The following KCNQ5 variants were observed in gnomAD, a reference collection of about 807,000 sequenced individuals.
KCNQ5 encodes the protein potassium voltage-gated channel subfamily Q member 5, also known as potassium voltage-gated channel subfamily KQT member 5.
Under a neutral mutation model 98.2 loss-of-function variants are expected in KCNQ5, and 30 were observed. The ratio of observed to expected loss-of-function variants is 0.31; its 90% confidence interval spans 0.23 to 0.41. The LOEUF (loss-of-function observed/expected upper bound fraction) is 0.41, where lower values mean the gene tolerates loss of function less well. Among genes scored for constraint, KCNQ5 ranks in the 10% least tolerant of loss-of-function variants. KCNQ5 has a pLI of 1.00. For missense variants in KCNQ5, 835 were observed against 1,182.5 expected (o/e 0.71, Z 4.31); for synonymous variants, 458 against 449.4 (o/e 1.02, Z -0.24).
At chr6:73,078,460 T>C (rs991713600) in intron 5 of KCNQ5, among the ~76,000 whole-genome samples, 1 of 152,178 alleles carries the variant, frequency 6.6e-6, no homozygotes, top group Non-Finnish European at 1.5e-5. Context: ...GATTCTTACA[T>C]AGAAAGAAAA....
At chr6:72,769,587 T>C (rs1305858395) in intron 1 of KCNQ5, among the ~76,000 whole-genome samples, 1 of 151,962 alleles carries the variant, frequency 6.6e-6, no homozygotes, top group African/African-American at 2.4e-5. Context: ...TTGAGAAACT[T>C]TGGGCTGATT....
intron 1 of KCNQ5, among the ~76,000 whole-genome samples, chr6:72,696,336 T>G (rs1768497142): frequency 6.6e-6 from 1 of 152,154 alleles, no homozygotes; most frequent in South Asian, 2.1e-4. Context: ...CACATATAAA[T>G]CTACAAACAA....
At chr6:72,679,762 A>T (rs1302651152) in intron 1 of KCNQ5, among the ~76,000 whole-genome samples, 1 of 152,198 alleles carries the variant, frequency 6.6e-6, no homozygotes, top group African/African-American at 2.4e-5. Flanking sequence ...AAAGTCAGCC[A>T]GGCATGGTGG....
At chr6:72,902,068 C>T (rs979575314) in intron 1 of KCNQ5, among the ~76,000 whole-genome samples, 2 of 151,892 alleles carry the variant, frequency 1.3e-5, no homozygotes, top group East Asian at 1.9e-4. Flanking sequence ...TTCACCTCCT[C>T]GGTTAGGTAT....
rs530716977 is a variant in KCNQ5, at chr6:73,088,918, G to C, written c.918+11031G>C. Reference sequence around the variant, plus strand: ...TCTCCACTCTCATAGTGTCTTAACTGGTCTCTGCACCTCTCATTTCTTCCT... The same window carrying C: ...TCTCCACTCTCATAGTGTCTTAACTCGTCTCTGCACCTCTCATTTCTTCCT... On this transcript the variant is annotated intron_variant, in intron 5 of 13. Coordinates refer to ENST00000370398, the MANE Select transcript of KCNQ5 (RefSeq NM_019842.4). Among the ~76,000 whole-genome samples, 94 of 152,100 alleles carry C rather than the reference G, an allele frequency of 6.2e-4. 1 individual carries two copies. Among genetic ancestry groups the C allele is most frequent in the African/African-American group, 2.1e-3 (86 of 41,476 alleles).
chr6:72,758,519 CCTAA>C (rs574737280), intron 1 of KCNQ5, among the ~76,000 whole-genome samples: 2 of 152,194 alleles, frequency 1.3e-5, no homozygotes, highest in African/African-American at 4.8e-5. Flanking sequence ...TAAATATTCT[CCTAA>C]CTAAGAGCTT....
intron 5 of KCNQ5, among the ~76,000 whole-genome samples, chr6:73,092,429 A>G (rs1288398410): frequency 6.6e-6 from 1 of 152,008 alleles, no homozygotes; most frequent in African/African-American, 2.4e-5. Flanking sequence ...AAGAGGAGTG[A>G]TAAGAGTGGG....
intron 11 of KCNQ5, among the ~76,000 whole-genome samples, chr6:73,190,296 C>T (rs187528811): frequency 1.3e-5 from 2 of 152,284 alleles, no homozygotes; most frequent in African/African-American, 4.8e-5. Context: ...CTTTAACTTA[C>T]ATTCAGGGTT....
At chr6:73,192,770 C>A in intron 13 of KCNQ5, 79 bp downstream of exon 13, 2 of 1,169,246 alleles carry the variant, frequency 1.7e-6, no homozygotes, top group Non-Finnish European at 2.3e-6. Context: ...TGTATGTATT[C>A]CAGTGATTAT....
At chr6:72,807,370 T>A (rs1387938240) in intron 1 of KCNQ5, among the ~76,000 whole-genome samples, 1 of 152,062 alleles carries the variant, frequency 6.6e-6, no homozygotes, top group Non-Finnish European at 1.5e-5. Flanking sequence ...GCAATAATTA[T>A]CTTTACTTTC....
At chr6:72,842,798 C>A (rs775307007) in intron 1 of KCNQ5, among the ~76,000 whole-genome samples, 6 of 152,034 alleles carry the variant, frequency 3.9e-5, no homozygotes, top group Admixed American at 1.3e-4. Context: ...TGAGAAGTGT[C>A]TGTTTATATC....
chr6:72,645,166 T>A (rs1765521859), intron 1 of KCNQ5, among the ~76,000 whole-genome samples: 1 of 148,442 alleles, frequency 6.7e-6, no homozygotes, highest in Non-Finnish European at 1.5e-5. Flanking sequence ...AGCCTGGATT[T>A]TAAGATCAAT....
chr6:72,929,381 A>G (rs1765589160), intron 1 of KCNQ5, among the ~76,000 whole-genome samples: 1 of 152,152 alleles, frequency 6.6e-6, no homozygotes, highest in Non-Finnish European at 1.5e-5. Flanking sequence ...CCACAGGCAC[A>G]TAAAGTGACT....
At chr6:72,688,990 C>T (rs1582118006) in intron 1 of KCNQ5, among the ~76,000 whole-genome samples, 2 of 152,132 alleles carry the variant, frequency 1.3e-5, no homozygotes, top group Admixed American at 6.5e-5. Context: ...AACATTATAG[C>T]TATAAAAATA....
intron 1 of KCNQ5, among the ~76,000 whole-genome samples, chr6:72,660,826 A>T (rs1766481591): frequency 6.6e-6 from 1 of 152,170 alleles, no homozygotes; most frequent in Non-Finnish European, 1.5e-5. Context: ...ACTAAAATGA[A>T]TGTAATTGTA....
intron 10 of KCNQ5, among the ~76,000 whole-genome samples, chr6:73,162,507 C>T (rs774455604): frequency 3.9e-5 from 6 of 152,034 alleles, no homozygotes; most frequent in African/African-American, 9.7e-5. Context: ...CATGAGTTCA[C>T]GGTCCCATAA....
intron 11 of KCNQ5, among the ~76,000 whole-genome samples, chr6:73,175,460 C>G (rs1435278386): frequency 6.6e-6 from 1 of 152,078 alleles, no homozygotes; most frequent in Non-Finnish European, 1.5e-5. Flanking sequence ...TCTAGAAGAG[C>G]AATTTTTTCA....
intron 1 of KCNQ5, among the ~76,000 whole-genome samples, chr6:72,908,991 A>C (rs1373426061): frequency 6.6e-6 from 1 of 152,162 alleles, no homozygotes; most frequent in East Asian, 1.9e-4. Flanking sequence ...CACTCTCTAC[A>C]ATTAAAAATA....
chr6:72,914,735 T>C (rs1369232728), intron 1 of KCNQ5, among the ~76,000 whole-genome samples: 1 of 151,862 alleles, frequency 6.6e-6, no homozygotes, highest in East Asian at 1.9e-4. Context: ...GGAGCTTGTC[T>C]TATAAGGCTA....
Sources: gnomAD v4.1 joint callset for allele counts (sites outside exome capture counted in the v4.1 genomes callset) on GRCh38, gnomAD v4.1.1 for gene constraint, MANE v1.5 for transcripts, NCBI Gene and HGNC (gene_info 2026-07-23, HGNC 2026-07-21) for gene names.